The following ETV6 variants were observed in gnomAD, a reference collection of about 807,000 sequenced individuals.
ETV6 encodes the protein transcription factor ETV6.
ETV6 carries 16 observed loss-of-function variants against 51.1 expected under a neutral mutation model. That is an observed-to-expected ratio of 0.31 (90% CI 0.21 to 0.48). The LOEUF (loss-of-function observed/expected upper bound fraction) is 0.48, where lower values mean the gene tolerates loss of function less well. ETV6 is among the 20% of genes least tolerant of loss of function. The pLI, the probability that ETV6 is intolerant of heterozygous loss-of-function variation, is 0.99. For missense variants in ETV6, 458 were observed against 594.8 expected, an observed-to-expected ratio of 0.77 and a Z score of 2.39; for synonymous variants, 240 against 224.1, an observed-to-expected ratio of 1.07 and a Z score of -0.64.
chr12:11,670,858 G>T (rs1314840590), intron 1 of ETV6, among the ~76,000 whole-genome samples: 1 of 152,170 alleles, frequency 6.6e-6, no homozygotes, highest in African/African-American at 2.4e-5. Context: ...AACTTGCCTT[G>T]CAGGGTTTTA....
chr12:11,747,379 T>G (rs1865927692), intron 1 of ETV6, among the ~76,000 whole-genome samples: 1 of 152,140 alleles, frequency 6.6e-6, no homozygotes, highest in Non-Finnish European at 1.5e-5. Flanking sequence ...ATCTTGGATG[T>G]CTAAACCATC....
intron 2 of ETV6, among the ~76,000 whole-genome samples, chr12:11,773,425 G>A (rs746726743): frequency 1.7e-4 from 26 of 152,102 alleles, no homozygotes; most frequent in Non-Finnish European, 3.2e-4. Flanking sequence ...TGAACAAGAT[G>A]GAGAGGTTGA....
intron 4 of ETV6, among the ~76,000 whole-genome samples, chr12:11,864,976 G>T (rs963198356): frequency 6.6e-6 from 1 of 152,174 alleles, no homozygotes; most frequent in East Asian, 1.9e-4. Context: ...AACAGGCTGG[G>T]CGCGGTGGCT....
intron 3 of ETV6, chr12:11,840,450 T>A (rs1425495274): frequency 6.6e-6 from 3 of 455,956 alleles, no homozygotes; most frequent in Non-Finnish European, 1.3e-5. Context: ...TTTTACTGAA[T>A]CCCACTGCAG....
intron 2 of ETV6, among the ~76,000 whole-genome samples, chr12:11,822,258 C>T (rs1946092775): frequency 6.6e-6 from 1 of 152,140 alleles, no homozygotes; most frequent in East Asian, 1.9e-4. Flanking sequence ...GCAGTTAGAC[C>T]CAACTGTGTT....
intron 2 of ETV6, among the ~76,000 whole-genome samples, chr12:11,803,858 T>C (rs1462649635): frequency 6.6e-6 from 1 of 152,226 alleles, no homozygotes; most frequent in Non-Finnish European, 1.5e-5. Flanking sequence ...CAATGCATAC[T>C]TGCTCTAAAA....
chr12:11,813,510 A>T (rs917626542), intron 2 of ETV6, among the ~76,000 whole-genome samples: 1 of 152,156 alleles, frequency 6.6e-6, no homozygotes, highest in Non-Finnish European at 1.5e-5. Context: ...AACAGAGTAG[A>T]TTTCATGTTC....
intron 2 of ETV6, among the ~76,000 whole-genome samples, chr12:11,796,977 A>T (rs1459085850): frequency 1.3e-5 from 2 of 152,132 alleles, no homozygotes; most frequent in African/African-American, 4.8e-5. Context: ...TGTAGACACA[A>T]GGTCTCACTA....
At chr12:11,824,148 C>T (rs925429857) in intron 2 of ETV6, among the ~76,000 whole-genome samples, 1 of 152,220 alleles carries the variant, frequency 6.6e-6, no homozygotes, top group Non-Finnish European at 1.5e-5. Flanking sequence ...GCACAGGCAG[C>T]AGCAGTGTAA....
chr12:11,715,106 A>T (rs1244630507), intron 1 of ETV6, among the ~76,000 whole-genome samples: 8 of 152,176 alleles, frequency 5.3e-5, no homozygotes, highest in Non-Finnish European at 1.2e-4. Flanking sequence ...GTTTAACCGA[A>T]ATGAGCAGGA....
intron 1 of ETV6, among the ~76,000 whole-genome samples, chr12:11,661,913 A>G (rs34826165): frequency 0.029 from 4,487 of 152,264 alleles, 97 homozygotes; most frequent in Admixed American, 0.06. Flanking sequence ...TTGGAACACA[A>G]TGGAATCCAG....
chr12:11,840,049 T>C (rs1946367885), intron 3 of ETV6, among the ~76,000 whole-genome samples: 1 of 152,064 alleles, frequency 6.6e-6, no homozygotes, highest in Non-Finnish European at 1.5e-5. Context: ...GACTGGGAAA[T>C]GGGAGATCCT....
chr12:11,885,265 A>G (rs2136599466), intron 6 of ETV6, among the ~76,000 whole-genome samples: 1 of 152,322 alleles, frequency 6.6e-6, no homozygotes, highest in African/African-American at 2.4e-5. Context: ...AAAGGCAGGG[A>G]GGCCCAGCCA....
intron 1 of ETV6, among the ~76,000 whole-genome samples, chr12:11,725,946 T>C (rs1349633753): frequency 6.6e-6 from 1 of 152,180 alleles, no homozygotes; most frequent in Non-Finnish European, 1.5e-5. Context: ...ACCTCTTTTC[T>C]TTATGAATTC....
intron 2 of ETV6, among the ~76,000 whole-genome samples, chr12:11,805,781 G>A (rs943374118): frequency 2.6e-5 from 4 of 152,164 alleles, no homozygotes; most frequent in Non-Finnish European, 4.4e-5. Context: ...AGACAGTCAC[G>A]TTAAGGATTT....
Position 11,690,589 on chromosome 12 carries a change from T to A in ETV6, c.33+40429T>A, listed in dbSNP as rs1281859101. ...CAGGACAACGGAGCAAGACTCTGTC[T>A]CTAAAAAAGATAGAATGGGCTGGGC... On this transcript the variant is annotated intron_variant, in intron 1 of 7. Transcript: ENST00000396373. Among the ~76,000 whole-genome samples, 6 of 152,062 alleles carry A rather than the reference T, an allele frequency of 3.9e-5. No homozygotes were observed. The East Asian group carries it at 9.7e-4, about 25-fold the overall frequency.
intron 1 of ETV6, among the ~76,000 whole-genome samples, chr12:11,652,224 T>G (rs1256650579): frequency 6.6e-6 from 1 of 152,034 alleles, no homozygotes; most frequent in African/African-American, 2.4e-5. Context: ...ATGGAACGAG[T>G]ATGTATTTGC....
At chr12:11,833,468 T>G (rs115147866) in intron 2 of ETV6, among the ~76,000 whole-genome samples, 1,781 of 152,272 alleles carry the variant, frequency 0.012, 30 homozygotes, top group African/African-American at 0.038. Flanking sequence ...CCGTGAAACT[T>G]TTTCTTTTTA....
At chr12:11,755,710 CCA>C (rs1297429451) in intron 2 of ETV6, among the ~76,000 whole-genome samples, 1 of 152,152 alleles carries the variant, frequency 6.6e-6, no homozygotes, top group African/African-American at 2.4e-5. Flanking sequence ...ATCTGGGATT[CCA>C]GACAATTCCC....
Sources: allele counts gnomAD v4.1 joint callset (sites outside exome capture counted in the v4.1 genomes callset), GRCh38; gene constraint gnomAD v4.1.1; transcripts MANE v1.5; gene names NCBI Gene and HGNC (gene_info 2026-07-23, HGNC 2026-07-21).